DMC1: variants seen among roughly 807,000 people sequenced by gnomAD.
The protein encoded by DMC1 is meiotic recombination protein DMC1 homolog.
In DMC1, 27 loss-of-function variants were observed where a neutral mutation model predicts 50.1. The observed-to-expected ratio is 0.54, with a 90% CI of 0.40 to 0.74. The LOEUF (loss-of-function observed/expected upper bound fraction) is 0.74, where lower values mean the gene tolerates loss of function less well. Among genes scored for constraint, DMC1 ranks in the 30% least tolerant of loss-of-function variants. The pLI, the probability that DMC1 is intolerant of heterozygous loss-of-function variation, is 0.00. For missense variants in DMC1, 295 were observed against 420.2 expected, an observed-to-expected ratio of 0.70 and a Z score of 2.60; for synonymous variants, 148 against 136.1, an observed-to-expected ratio of 1.09 and a Z score of -0.61.
At chr22:38,560,650 A>G (rs1449188343) in intron 5 of DMC1, among the ~76,000 whole-genome samples, 2 of 152,096 alleles carry the variant, frequency 1.3e-5, no homozygotes, top group African/African-American at 2.4e-5. Context: ...TAGTTGAATT[A>G]TATTCTCACT....
intron 8 of DMC1, chr22:38,549,335 C>G (rs2090378051): frequency 6.6e-6 from 1 of 152,400 alleles, no homozygotes; most frequent in African/African-American, 2.4e-5. Context: ...AGTCAATAAT[C>G]TTTCAGCCAG....
chr22:38,517,783 G>C (rs1273189002), downstream of DMC1, among the ~76,000 whole-genome samples: 2 of 152,068 alleles, frequency 1.3e-5, no homozygotes, highest in Non-Finnish European at 2.9e-5. Flanking sequence ...CTTTATTTCT[G>C]CTTATTCAGG....
At chr22:38,537,683 G>A (rs746792624) in intron 11 of DMC1, 31 bp from the exon 12 acceptor site, 2 of 1,545,904 alleles carry the variant, frequency 1.3e-6, no homozygotes, top group African/African-American at 1.4e-5. Flanking sequence ...TTAAAACTAT[G>A]AGAAAGGCAA....
downstream of DMC1, among the ~76,000 whole-genome samples, chr22:38,518,054 C>A (rs570797736): frequency 4.0e-5 from 6 of 151,886 alleles, no homozygotes; most frequent in East Asian, 7.8e-4. Context: ...CTCACTGCAA[C>A]CTCCGCCTCC....
intron 8 of DMC1, among the ~76,000 whole-genome samples, chr22:38,544,547 C>T (rs2090320843): frequency 6.6e-6 from 1 of 152,096 alleles, no homozygotes; most frequent in South Asian, 2.1e-4. Context: ...CCAAGCTGTG[C>T]CCCAACCACC....
At chr22:38,520,994 C>T (rs2090018743) in intron 13 of DMC1, among the ~76,000 whole-genome samples, 1 of 151,850 alleles carries the variant, frequency 6.6e-6, no homozygotes, top group Non-Finnish European at 1.5e-5. Flanking sequence ...CCTCGGCCTC[C>T]CAAAAGTGCT....
intron 5 of DMC1, among the ~76,000 whole-genome samples, chr22:38,557,956 CTT>C (rs753724944): frequency 2.4e-3 from 153 of 62,660 alleles, no homozygotes; most frequent in Middle Eastern, 0.023. Context: ...AGACAAAGTT[CTT>C]TTTTTTTTTT....
At chr22:38,546,515 C>A (rs1327543981) in intron 8 of DMC1, among the ~76,000 whole-genome samples, 2 of 152,152 alleles carry the variant, frequency 1.3e-5, no homozygotes, top group Non-Finnish European at 2.9e-5. Context: ...CAGCTGAGCA[C>A]CCTTGTTAAA....
At chr22:38,521,561 A>G (rs777836032) in intron 13 of DMC1, 47 bp downstream of exon 13, 39 of 1,039,518 alleles carry the variant, frequency 3.8e-5, no homozygotes, top group Non-Finnish European at 5.2e-5. Context: ...ACACACACAC[A>G]CACACACACA....
intron 13 of DMC1, among the ~76,000 whole-genome samples, chr22:38,520,746 A>G (rs1415013911): frequency 6.6e-6 from 1 of 152,196 alleles, no homozygotes; most frequent in Non-Finnish European, 1.5e-5. Flanking sequence ...CACCTTTCTT[A>G]TGACTAGACT....
intron 5 of DMC1, among the ~76,000 whole-genome samples, chr22:38,560,054 C>T (rs2090510589): frequency 6.6e-6 from 1 of 151,312 alleles, no homozygotes; most frequent in African/African-American, 2.4e-5. Context: ...AAAATAAACA[C>T]AAATAAGTAA....
chr22:38,566,731 C>T lies in DMC1; in HGVS notation c.102G>A (p.Val34=), dbSNP rs757967562. The T allele has an allele frequency of 6.2e-7, 1 of 1,613,892 alleles. No homozygotes were observed. The highest frequency in any genetic ancestry group is 8.5e-7 in the Non-Finnish European group (1 of 1,179,868). The stretch of plus-strand genomic sequence containing the variant: ...CTGATTTCAGTTTCTTAATGTCAGC[C>T]ACGTTCTGTAAATTAAAGAATGGGC... The part of the protein sequence containing the change: ...IDLLQKHGIN[V]ADIKKLKSVG... Residue 34 remains valine (V), a synonymous_variant, in exon 4 of 14, where the codon GTG becomes GTA. Transcript: ENST00000216024.
At chr22:38,524,560 T>C (rs1420622781) in intron 12 of DMC1, among the ~76,000 whole-genome samples, 2 of 152,312 alleles carry the variant, frequency 1.3e-5, no homozygotes, top group African/African-American at 4.8e-5. Flanking sequence ...TGTTTTCTCC[T>C]TCCCTCTAAA....
chr22:38,521,538 T>C (rs2090024006), intron 13 of DMC1, 70 bp downstream of exon 13: 2 of 641,696 alleles, frequency 3.1e-6, no homozygotes, highest in South Asian at 1.6e-5. Flanking sequence ...ACCCCGTCTC[T>C]ACACACACAC....
At position 38,541,658 on chromosome 22, in the gene DMC1, T is replaced by A. The variant is rs189860805; in HGVS notation, c.495-2246A>T. On this transcript the variant is annotated intron_variant, in intron 8 of 13. Coordinates refer to ENST00000216024, the MANE Select transcript of DMC1 (RefSeq NM_007068.4). ...TAATTTTGAGTTGGTCTGGTGTTAT[T>A]TTCCAGGTCTTCTCCCTGTAACCGG... is the stretch of plus-strand genomic sequence containing the variant. 3.9e-5 allele frequency among the ~76,000 whole-genome samples: 6 copies of A among 152,322 alleles called. No individual in the cohort carries two copies. In the East Asian group the frequency reaches 1.2e-3, roughly 29 times the overall value.
chr22:38,549,505 TCCCAGC>T, intron 8 of DMC1: 1 of 172,664 alleles, frequency 5.8e-6, no homozygotes, highest in Non-Finnish European at 1.2e-5. Flanking sequence ...ACACCTGTAA[TCCCAGC>T]TACTCGGTAG....
At chr22:38,560,024 AAAAT>A (rs2090510156) in intron 5 of DMC1, among the ~76,000 whole-genome samples, 1 of 152,224 alleles carries the variant, frequency 6.6e-6, no homozygotes, top group East Asian at 1.9e-4. Flanking sequence ...TCTGAAAAAA[AAAAT>A]AAATAAATAA....
chr22:38,546,544 C>T (rs1406371283), intron 8 of DMC1, among the ~76,000 whole-genome samples: 1 of 152,172 alleles, frequency 6.6e-6, no homozygotes, highest in Admixed American at 6.5e-5. Flanking sequence ...CGACATTTCA[C>T]CCTCCTTCCC....
chr22:38,543,331 G>A (rs1043674657), intron 8 of DMC1, among the ~76,000 whole-genome samples: 1 of 150,692 alleles, frequency 6.6e-6, no homozygotes, highest in Admixed American at 6.7e-5. Context: ...CCAGGTTCAC[G>A]CCATTCTCCT....
Sources: gnomAD v4.1 joint callset for allele counts (sites outside exome capture counted in the v4.1 genomes callset) on GRCh38, gnomAD v4.1.1 for gene constraint, MANE v1.5 for transcripts, NCBI Gene and HGNC (gene_info 2026-07-23, HGNC 2026-07-21) for gene names.